HBP1: variants seen among roughly 807,000 people sequenced by gnomAD.
The protein encoded by HBP1 is HMG box-containing protein 1.
Under a neutral mutation model 62.6 loss-of-function variants are expected in HBP1, and 20 were observed. The ratio of observed to expected loss-of-function variants is 0.32; its 90% confidence interval spans 0.22 to 0.46. HBP1 has a LOEUF of 0.46. HBP1 is among the 20% of genes least tolerant of loss of function. The pLI, the probability that HBP1 is intolerant of heterozygous loss-of-function variation, is 1.00. For missense variants in HBP1, 480 were observed against 611.8 expected (o/e 0.78, Z 2.27); for synonymous variants, 232 against 206.2 (o/e 1.12, Z -1.07).
intron 9 of HBP1, among the ~76,000 whole-genome samples, chr7:107,197,714 TGTCA>T (rs1440886142): frequency 2.6e-5 from 4 of 152,246 alleles, no homozygotes; most frequent in Admixed American, 6.5e-5. Flanking sequence ...CTCTTGGATC[TGTCA>T]GTCATTTGTG....
chr7:107,194,572 T>C (rs1401186512), intron 8 of HBP1, among the ~76,000 whole-genome samples: 1 of 152,250 alleles, frequency 6.6e-6, no homozygotes, highest in African/African-American at 2.4e-5. Flanking sequence ...AGTCATTTAC[T>C]GTGTGTAGTC....
intron 1 of HBP1, among the ~76,000 whole-genome samples, chr7:107,177,193 G>C (rs535904568): frequency 2.0e-5 from 3 of 152,272 alleles, no homozygotes; most frequent in African/African-American, 7.2e-5. Flanking sequence ...TATCAGAGGA[G>C]AGTAGGGCAG....
At position 107,196,080 on chromosome 7, in the gene HBP1, G is replaced by GA; in HGVS notation, c.1316dup (p.Asn439LysfsTer13). Reference sequence around the variant, plus strand: ...CTCCTAATAAGTGCAAAAGACCAATGAATGCCTTCATGCTTTTTGCCAAAA... The same window carrying GA: ...CTCCTAATAAGTGCAAAAGACCAATGAAATGCCTTCATGCTTTTTGCCAAAA... On this transcript the variant is annotated frameshift_variant, in exon 9 of 11. Transcript: ENST00000222574. LOFTEE classifies it high-confidence loss of function. 1 of 1,613,290 alleles carries GA rather than the reference G, an allele frequency of 6.2e-7. No individual in the cohort carries two copies. The highest frequency in any genetic ancestry group is 8.5e-7 in the Non-Finnish European group (1 of 1,179,240).
intron 8 of HBP1, among the ~76,000 whole-genome samples, chr7:107,195,522 T>C (rs563904069): frequency 6.9e-4 from 105 of 152,348 alleles, no homozygotes; most frequent in African/African-American, 2.5e-3. Context: ...GTGTAGGATT[T>C]GGAGGAGTTA....
At position 107,198,212 on chromosome 7, in the gene HBP1, CT is replaced by C. The variant is rs549300447; in HGVS notation, c.1386-1936del. 9.4e-3 allele frequency among the ~76,000 whole-genome samples: 1,359 copies of C among 144,254 alleles called. 4 individuals are homozygous for C. The highest frequency in any genetic ancestry group is 0.018 in the African/African-American group (732 of 39,644). 94.6% of individuals were successfully genotyped at this position (144,254 alleles called of 152,430 possible). A position where few individuals can be genotyped will look rare whatever the true frequency, so the allele number is the denominator to read the frequency against. The stretch of plus-strand genomic sequence containing the variant: ...GTTATACCCTTTATTGCTCAAAAAT[CT>C]TTTTTTTTTTTATGAGATGGAATCT... On this transcript the variant is annotated intron_variant, in intron 9 of 10. Transcript: ENST00000222574.
chr7:107,199,659 A>G (rs1232280152), intron 9 of HBP1, among the ~76,000 whole-genome samples: 1 of 152,134 alleles, frequency 6.6e-6, no homozygotes, highest in Non-Finnish European at 1.5e-5. Context: ...TGCCTAGGTG[A>G]GACTGTTTTA....
chr7:107,199,806 T>C (rs933218157), intron 9 of HBP1, among the ~76,000 whole-genome samples: 2 of 152,228 alleles, frequency 1.3e-5, no homozygotes, highest in Non-Finnish European at 2.9e-5. Context: ...GTCTAAAGGT[T>C]TATTTGGTTT....
chr7:107,185,514 A>G (rs1797309281), intron 3 of HBP1, among the ~76,000 whole-genome samples: 1 of 152,216 alleles, frequency 6.6e-6, no homozygotes, highest in African/African-American at 2.4e-5. Flanking sequence ...ATACACATGT[A>G]TATGTATTGA....
intron 8 of HBP1, among the ~76,000 whole-genome samples, chr7:107,191,632 A>G (rs1202365359): frequency 2.6e-5 from 4 of 152,224 alleles, no homozygotes; most frequent in African/African-American, 7.2e-5. Context: ...GAAGTGTGAT[A>G]TAATCATATA....
intron 1 of HBP1, chr7:107,174,786 G>C (rs1456748461): frequency 4.0e-6 from 3 of 748,794 alleles, no homozygotes; most frequent in Non-Finnish European, 4.9e-6. Flanking sequence ...AAGGTTGACT[G>C]TGCAGCTCAC....
At position 107,186,390 on chromosome 7, in the gene HBP1, C is replaced by T. The variant is rs1447825142; in HGVS notation, c.570C>T (p.Phe190=). ...RANSESESGI[F]CMSSLSDDDD... ...ATAGTGAGTCAGAATCTGGCATTTT[C>T]TGCATGTCCTCCCTGTCAGATGATG... Residue 190 remains phenylalanine (F), a synonymous_variant, in exon 5 of 11, where the codon TTC becomes TTT. Transcript: ENST00000222574. The T allele has an allele frequency of 6.2e-7, 1 of 1,611,624 alleles. No individual in the cohort carries two copies. Among genetic ancestry groups the T allele is most frequent in the South Asian group, 1.1e-5 (1 of 90,938 alleles).
At chr7:107,187,192 G>A (rs183175015) in intron 6 of HBP1, among the ~76,000 whole-genome samples, 5 of 152,208 alleles carry the variant, frequency 3.3e-5, no homozygotes, top group East Asian at 3.9e-4. Context: ...GGCAGAGCTT[G>A]CAGTGAGCCA....
At chr7:107,181,071 G>A (rs1434724088) in intron 2 of HBP1, among the ~76,000 whole-genome samples, 2 of 152,174 alleles carry the variant, frequency 1.3e-5, no homozygotes, top group South Asian at 4.1e-4. Context: ...CATGAAAATT[G>A]TAGGGTAGAA....
At chr7:107,200,348 C>T (rs777911514) in intron 10 of HBP1, 47 bp downstream of exon 10, 10 of 1,525,132 alleles carry the variant, frequency 6.6e-6, no homozygotes, top group East Asian at 2.3e-5. Context: ...CTTATCCGTG[C>T]AGGTGTACTG....
chr7:107,192,454 T>A (rs1453019436), intron 8 of HBP1: 1 of 152,170 alleles, frequency 6.6e-6, no homozygotes, highest in African/African-American at 2.4e-5. Context: ...AATATTTTCA[T>A]AATAAAATTA....
chr7:107,180,119 A>C (rs1240700551), intron 2 of HBP1, 57 bp downstream of exon 2: 1 of 1,151,140 alleles, frequency 8.7e-7, no homozygotes. Flanking sequence ...AAATTTTTCT[A>C]CTTAGCCCGC....
chr7:107,197,495 A>G (rs1399178674), intron 9 of HBP1, among the ~76,000 whole-genome samples: 5 of 152,068 alleles, frequency 3.3e-5, no homozygotes, highest in African/African-American at 1.2e-4. Flanking sequence ...CAGCCACCCG[A>G]GTAGCTGGGA....
At chr7:107,178,871 A>G (rs1054851398) in intron 1 of HBP1, among the ~76,000 whole-genome samples, 3 of 152,094 alleles carry the variant, frequency 2.0e-5, no homozygotes, top group Non-Finnish European at 2.9e-5. Flanking sequence ...TGTCTTTACT[A>G]AAAATACAAA....
chr7:107,199,130 G>C (rs1798075494), intron 9 of HBP1, among the ~76,000 whole-genome samples: 2 of 152,044 alleles, frequency 1.3e-5, no homozygotes, highest in African/African-American at 4.8e-5. Flanking sequence ...CTGTTCCCCA[G>C]GCTGGAGTGC....
Sources: allele counts gnomAD v4.1 joint callset (sites outside exome capture counted in the v4.1 genomes callset), GRCh38; gene constraint gnomAD v4.1.1; transcripts MANE v1.5; gene names NCBI Gene and HGNC (gene_info 2026-07-23, HGNC 2026-07-21).